The following ADGRD1 variants were observed in gnomAD, a reference collection of about 807,000 sequenced individuals.
ADGRD1 encodes the protein adhesion G protein-coupled receptor D1.
In ADGRD1, 77 loss-of-function variants were observed where a neutral mutation model predicts 113.4. The ratio of observed to expected loss-of-function variants is 0.68; its 90% CI spans 0.57 to 0.82. The LOEUF is 0.82. Ranked by LOEUF, ADGRD1 falls within the 40% of genes least tolerant of loss-of-function variation. The probability of loss-of-function intolerance (pLI) is 0.00; values close to 1 mark genes in which losing one functional copy is unlikely to be tolerated. For missense variants in ADGRD1, 1,036 were observed against 1,139.1 expected (o/e 0.91, Z 1.30); for synonymous variants, 474 against 475.0 (o/e 1.00, Z 0.03).
intron 13 of ADGRD1, among the ~76,000 whole-genome samples, chr12:131,036,905 T>TCACTCACTACACC (rs1406571233): frequency 2.0e-4 from 29 of 142,644 alleles, no homozygotes; most frequent in Non-Finnish European, 4.0e-4. Flanking sequence ...CTCACTGCAC[T>TCACTCACTACACC]GAGCCTCACT....
chr12:131,068,690 G>T lies in ADGRD1; in HGVS notation c.1474-8111G>T, dbSNP rs138792024. 5.3e-5 allele frequency among the ~76,000 whole-genome samples: 8 copies of T among 152,276 alleles called. No homozygotes were observed. The East Asian group carries it at 1.2e-3, about 22-fold the overall frequency. On this transcript the variant is annotated intron_variant, in intron 13 of 24. Coordinates refer to ENST00000261654, the MANE Select transcript of ADGRD1 (RefSeq NM_198827.5). ...CTGTAAGTCATCCAAAATTCTTCTT[G>T]GGTAGAGGCCAGCTATAACAAAATA...
At chr12:131,018,759 G>A (rs953171858) in intron 13 of ADGRD1, among the ~76,000 whole-genome samples, 1 of 152,132 alleles carries the variant, frequency 6.6e-6, no homozygotes, top group Non-Finnish European at 1.5e-5. Flanking sequence ...TAGCAGAGGT[G>A]TTGACATTCT....
At chr12:131,121,196 C>T (rs1950584690) in intron 20 of ADGRD1, among the ~76,000 whole-genome samples, 1 of 152,170 alleles carries the variant, frequency 6.6e-6, no homozygotes, top group Non-Finnish European at 1.5e-5. Flanking sequence ...ACAGCACAGG[C>T]GCGGGCTCGT....
chr12:130,989,826 ACCCTGGCCAGGTGTCCCCTCT>A (rs1207297449), intron 6 of ADGRD1: 1 of 152,206 alleles, frequency 6.6e-6, no homozygotes, highest in Non-Finnish European at 1.5e-5. Context: ...ACCGTCTGTC[ACCCTGGCCAGGTGTCCCCTCT>A]CCCTTACCAC....
At chr12:131,024,574 T>C (rs1879729713) in intron 13 of ADGRD1, 1 of 152,254 alleles carries the variant, frequency 6.6e-6, no homozygotes, top group African/African-American at 2.4e-5. Context: ...TCCCATTGTG[T>C]TACAGCCGCT....
chr12:131,002,427 C>A, intron 9 of ADGRD1: 1 of 757,684 alleles, frequency 1.3e-6, no homozygotes, highest in South Asian at 5.9e-5. Flanking sequence ...CTATTTCCAG[C>A]TCATGAGGCT....
intron 13 of ADGRD1, among the ~76,000 whole-genome samples, chr12:131,076,067 G>A (rs999934246): frequency 2.6e-5 from 4 of 152,158 alleles, no homozygotes; most frequent in South Asian, 2.1e-4. Context: ...AGAGTCCTCC[G>A]AGCTGGCACC....
intron 15 of ADGRD1, among the ~76,000 whole-genome samples, chr12:131,101,456 C>T (rs150454333): frequency 0.013 from 1,511 of 118,766 alleles, 14 homozygotes; most frequent in Middle Eastern, 0.076. Context: ...GGCACGATTT[C>T]GGCTCACTGC....
intron 15 of ADGRD1, among the ~76,000 whole-genome samples, chr12:131,103,835 G>T (rs1298419253): frequency 6.6e-6 from 1 of 152,168 alleles, no homozygotes; most frequent in Non-Finnish European, 1.5e-5. Context: ...GCTTCAGCTG[G>T]GCCTCTGACA....
chr12:131,080,556 G>C (rs773181010), intron 14 of ADGRD1, among the ~76,000 whole-genome samples: 1 of 152,168 alleles, frequency 6.6e-6, no homozygotes, highest in African/African-American at 2.4e-5. Context: ...GTCAATTAAA[G>C]AGAGAGGAGT....
chr12:131,015,340 G>C (rs1039625347), intron 13 of ADGRD1, among the ~76,000 whole-genome samples: 1 of 148,878 alleles, frequency 6.7e-6, no homozygotes. Flanking sequence ...ATGGAGGTGC[G>C]GATGGAGATG....
At chr12:131,036,283 C>G (rs1881368437) in intron 13 of ADGRD1, among the ~76,000 whole-genome samples, 1 of 151,706 alleles carries the variant, frequency 6.6e-6, no homozygotes, top group Non-Finnish European at 1.5e-5. Flanking sequence ...CTGGGTCTCA[C>G]TCACTGCACT....
chr12:130,972,811 G>A lies in ADGRD1; in HGVS notation c.310+1231G>A, dbSNP rs554467886. ...TCCAGAAAGCTCCAGCAACCACACT[G>A]GAATTGATCTCATTTGAGGACAAGG... On this transcript the variant is annotated intron_variant, in intron 4 of 24. Coordinates refer to ENST00000261654, the MANE Select transcript of ADGRD1 (RefSeq NM_198827.5). Among the ~76,000 whole-genome samples, 3 of 152,166 alleles carry A rather than the reference G, an allele frequency of 2.0e-5. No individual in the cohort carries two copies. The South Asian group carries it at 6.3e-4, about 32-fold the overall frequency.
chr12:131,095,866 A>G (rs569493477), intron 15 of ADGRD1, among the ~76,000 whole-genome samples: 2 of 152,216 alleles, frequency 1.3e-5, no homozygotes, highest in Admixed American at 6.5e-5. Context: ...GACATACAGG[A>G]AGCTGGGGTG....
intron 13 of ADGRD1, 164 bp from the exon 14 acceptor site, chr12:131,076,637 G>A: frequency 1.5e-6 from 1 of 666,668 alleles, no homozygotes; most frequent in Non-Finnish European, 2.7e-6. Flanking sequence ...CCTGGGCCAG[G>A]TGATGTGGGA....
intron 20 of ADGRD1, among the ~76,000 whole-genome samples, chr12:131,126,205 G>A (rs1380939437): frequency 6.6e-6 from 1 of 152,198 alleles, no homozygotes; most frequent in Non-Finnish European, 1.5e-5. Flanking sequence ...TCGTGAATAA[G>A]TTAATGCTGC....
chr12:131,052,265 T>C (rs1360546582), intron 13 of ADGRD1, among the ~76,000 whole-genome samples: 1 of 152,206 alleles, frequency 6.6e-6, no homozygotes, highest in Non-Finnish European at 1.5e-5. Flanking sequence ...TGAGAACCCC[T>C]GCACCGAGTC....
In ADGRD1 at chr12:130,960,537, A is replaced by G. The variant is rs376086298; in HGVS notation, c.103+5877A>G. 1.1e-3 allele frequency among the ~76,000 whole-genome samples: 164 copies of G among 151,358 alleles called. No individual in the cohort carries two copies. The South Asian group carries it at 0.021, about 19-fold the overall frequency. On this transcript the variant is annotated intron_variant, in intron 2 of 24. Coordinates refer to ENST00000261654, the MANE Select transcript of ADGRD1 (RefSeq NM_198827.5). ...AAATACTAGAATTATACAGATAATT[A>G]TATTCTATGTTTATTGATTTATTTA...
intron 13 of ADGRD1, among the ~76,000 whole-genome samples, chr12:131,047,671 T>C (rs1317988315): frequency 3.3e-5 from 5 of 152,192 alleles, no homozygotes; most frequent in African/African-American, 1.2e-4. Flanking sequence ...TAGCCAGCCA[T>C]TGTCAGTGCC....
Sources: gnomAD v4.1 joint callset for allele counts (sites outside exome capture counted in the v4.1 genomes callset) on GRCh38, gnomAD v4.1.1 for gene constraint, MANE v1.5 for transcripts, NCBI Gene and HGNC (gene_info 2026-07-23, HGNC 2026-07-21) for gene names.